SEPTIN11: variants seen among roughly 807,000 people sequenced by gnomAD.
SEPTIN11 encodes septin-11.
Under a neutral mutation model 51.4 loss-of-function variants are expected in SEPTIN11, and 25 were observed. The observed-to-expected ratio is 0.49, with a 90% CI of 0.35 to 0.68. SEPTIN11 has a LOEUF of 0.68. Among genes scored for constraint, SEPTIN11 ranks in the 30% least tolerant of loss-of-function variants. The probability of loss-of-function intolerance (pLI) is 0.00; values close to 1 mark genes in which losing one functional copy is unlikely to be tolerated. For missense variants in SEPTIN11, 381 were observed against 520.8 expected, an observed-to-expected ratio of 0.73 and a Z score of 2.61; for synonymous variants, 174 against 184.1, an observed-to-expected ratio of 0.95 and a Z score of 0.44.
In SEPTIN11 at chr4:77,030,822, G is replaced by C. The variant is rs774031568; in HGVS notation, c.1126G>C (p.Glu376Gln). Residue 376 changes from glutamate to glutamine, a missense_variant, in exon 9 of 10, where the codon GAA becomes CAA. Physicochemically the swap from Glu to Gln is conservative, Grantham distance 29. This residue lies in a region of SEPTIN11 where 197 missense variants were observed against 313.1 expected (regional missense o/e 0.63). Transcript: ENST00000264893. ...TGACCTTCTAAAGCGGACACACCAA[G>C]AAGAAAAGAAGAAAGTGGAAGACAA... Reference protein sequence around the residue: ...KFDLLKRTHQEEKKKVEDKKK... With the variant: ...KFDLLKRTHQQEKKKVEDKKK... 1 of 1,608,180 alleles carries C rather than the reference G, an allele frequency of 6.2e-7. No homozygotes were observed. The highest frequency in any genetic ancestry group is 2.2e-5 in the East Asian group (1 of 44,816).
intron 7 of SEPTIN11, among the ~76,000 whole-genome samples, chr4:77,023,493 C>T (rs1419091485): frequency 6.6e-6 from 1 of 151,658 alleles, no homozygotes; most frequent in African/African-American, 2.4e-5. Context: ...TACCTTCCAA[C>T]ATCTCGATAA....
chr4:76,960,902 G>A (rs1424533753), intron 1 of SEPTIN11, among the ~76,000 whole-genome samples: 1 of 152,182 alleles, frequency 6.6e-6, no homozygotes, highest in Non-Finnish European at 1.5e-5. Context: ...ATTCAGGGGC[G>A]AGTTATCAGG....
rs956739152 is a variant in SEPTIN11, at chr4:77,037,550, A to G, written c.*3038A>G. The G allele has an allele frequency of 8.1e-6, 8 of 985,240 alleles. No individual in the cohort carries two copies. Among genetic ancestry groups the G allele is most frequent in the Non-Finnish European group, 9.6e-6 (8 of 829,916 alleles). 61.0% of individuals were successfully genotyped at this position (985,240 alleles called of 1,614,324 possible). A position where few individuals can be genotyped will look rare whatever the true frequency, so the allele number is the denominator to read the frequency against. On this transcript the variant is annotated 3_prime_UTR_variant, in exon 10 of 10. Transcript: ENST00000264893. ...GCCTTTATGACCACTTAATTTTTTA[A>G]TCTTAGTTTAATGGTCTCTCCCTGG...
intron 1 of SEPTIN11, among the ~76,000 whole-genome samples, chr4:76,950,361 G>A (rs1049938773): frequency 1.3e-5 from 2 of 152,208 alleles, no homozygotes; most frequent in Admixed American, 6.5e-5. Context: ...AGTGCTGCGT[G>A]TGGCACTGCT....
chr4:77,014,795 A>C, intron 4 of SEPTIN11, 61 bp from the exon 5 acceptor site: 1 of 1,530,580 alleles, frequency 6.5e-7, no homozygotes, highest in Non-Finnish European at 9.0e-7. Context: ...GCTATGTTTT[A>C]TTCACTTGTC....
chr4:77,001,443 A>G (rs111488028), intron 2 of SEPTIN11, among the ~76,000 whole-genome samples: 226 of 151,920 alleles, frequency 1.5e-3, no homozygotes, highest in African/African-American at 5.2e-3. Context: ...TCCGCCTCCC[A>G]GGTTCAACGG....
downstream of SEPTIN11, among the ~76,000 whole-genome samples, chr4:77,038,806 C>T (rs985902367): frequency 6.6e-6 from 1 of 152,152 alleles, no homozygotes; most frequent in African/African-American, 2.4e-5. Context: ...CTGTACTTCA[C>T]ATATCATGTT....
chr4:76,995,696 C>T, intron 1 of SEPTIN11: 3 of 1,227,764 alleles, frequency 2.4e-6, no homozygotes, highest in Admixed American at 3.0e-5. Flanking sequence ...TTTTATATAA[C>T]AGCATAAATC....
intron 1 of SEPTIN11, among the ~76,000 whole-genome samples, chr4:76,982,326 T>G (rs1722812349): frequency 6.6e-6 from 1 of 152,062 alleles, no homozygotes; most frequent in Admixed American, 6.6e-5. Context: ...TTCTCCCACC[T>G]CAGCCTCCTT....
intron 2 of SEPTIN11, among the ~76,000 whole-genome samples, chr4:76,999,685 A>G (rs1031561254): frequency 1.3e-5 from 2 of 152,368 alleles, no homozygotes; most frequent in Admixed American, 6.5e-5. Context: ...TGGTCCTGGC[A>G]TGAACTAAGT....
At chr4:77,021,675 A>T (rs542264981) in intron 7 of SEPTIN11, 1 of 152,448 alleles carries the variant, frequency 6.6e-6, no homozygotes, top group African/African-American at 2.4e-5. Context: ...TGGGGAAAAA[A>T]AACCTGTCTT....
chr4:76,993,900 C>T (rs148585364), intron 1 of SEPTIN11, among the ~76,000 whole-genome samples: 75 of 152,190 alleles, frequency 4.9e-4, no homozygotes, highest in African/African-American at 1.5e-3. Context: ...TGGGTGGCTT[C>T]TCGTGTTTTG....
intron 1 of SEPTIN11, chr4:76,959,310 T>C (rs76008592): frequency 0.024 from 3,713 of 157,382 alleles, 75 homozygotes; most frequent in East Asian, 0.11. Context: ...TACAGAGTCT[T>C]GCTATGTTGC....
At chr4:77,016,611 T>TACACACACATATATATATATAC (rs535121576) in intron 5 of SEPTIN11, among the ~76,000 whole-genome samples, 3 of 82,886 alleles carry the variant, frequency 3.6e-5, no homozygotes, top group East Asian at 4.2e-4. Context: ...TATATATATA[T>TACACACACATATATATATATAC]ACACATATAT....
At position 77,028,663 on chromosome 4, in the gene SEPTIN11, T is replaced by C; in HGVS notation, c.988T>C (p.Phe330Leu). Residue 330 changes from phenylalanine (F) to leucine (L), a missense_variant, in exon 8 of 10, where the codon TTC becomes CTC. Phe to Leu is a conservative substitution (Grantham distance 22, BLOSUM62 0). This residue lies in a region of SEPTIN11 where 197 missense variants were observed against 313.1 expected (regional missense o/e 0.63). Coordinates refer to ENST00000264893, the MANE Select transcript of SEPTIN11 (RefSeq NM_018243.4). Reference protein sequence around the residue: ...QETYEAKRNEFLGELQKKEEE... With the variant: ...QETYEAKRNELLGELQKKEEE... The stretch of plus-strand genomic sequence containing the variant: ...GACATATGAAGCAAAAAGGAATGAA[T>C]TCCTGGGAGAACTGCAGAAGAAAGA... The C allele has an allele frequency of 6.2e-7, 1 of 1,613,172 alleles. No homozygotes were observed. Among genetic ancestry groups the C allele is most frequent in the Non-Finnish European group, 8.5e-7 (1 of 1,179,610 alleles).
intron 1 of SEPTIN11, chr4:76,995,846 A>G: frequency 2.6e-6 from 4 of 1,535,548 alleles, no homozygotes; most frequent in Non-Finnish European, 3.5e-6. Flanking sequence ...TACAGGGTGA[A>G]GAGGGGGAAG....
At chr4:77,009,687 T>C (rs1350326892) in intron 3 of SEPTIN11, 1 of 152,172 alleles carries the variant, frequency 6.6e-6, no homozygotes, top group Non-Finnish European at 1.5e-5. Flanking sequence ...GGGAAACTAA[T>C]AGAAAACAGA....
At chr4:76,965,623 A>G (rs1301707268) in intron 1 of SEPTIN11, among the ~76,000 whole-genome samples, 2 of 152,020 alleles carry the variant, frequency 1.3e-5, no homozygotes, top group Non-Finnish European at 2.9e-5. Context: ...AAACTTGTGT[A>G]TCAAGTACAT....
chr4:76,968,572 T>C (rs1722122421), intron 1 of SEPTIN11, among the ~76,000 whole-genome samples: 1 of 152,248 alleles, frequency 6.6e-6, no homozygotes, highest in Non-Finnish European at 1.5e-5. Context: ...TTAGGCTGTC[T>C]TTCTAATTAT....
Sources: gnomAD v4.1 joint callset for allele counts (sites outside exome capture counted in the v4.1 genomes callset) on GRCh38, gnomAD v4.1.1 for gene constraint, gnomAD v4.1.1 regional missense constraint, MANE v1.5 for transcripts, NCBI Gene and HGNC (gene_info 2026-07-23, HGNC 2026-07-21) for gene names.